HK1: variants seen among roughly 807,000 people sequenced by gnomAD.
The protein encoded by HK1 is hexokinase-1.
A neutral mutation model predicts 91.6 loss-of-function variants in HK1; 28 were observed. The observed-to-expected ratio is 0.31, with a 90% CI of 0.23 to 0.42. The LOEUF (loss-of-function observed/expected upper bound fraction) is 0.42, where lower values mean the gene tolerates loss of function less well. Ranked by LOEUF, HK1 falls within the 10% of genes least tolerant of loss-of-function variation. The pLI, the probability that HK1 is intolerant of heterozygous loss-of-function variation, is 1.00. For missense variants in HK1, 770 were observed against 1,219.8 expected, an observed-to-expected ratio of 0.63 and a Z score of 5.49; for synonymous variants, 430 against 468.1, an observed-to-expected ratio of 0.92 and a Z score of 1.05.
At position 69,394,401 on chromosome 10, in the gene HK1, A is replaced by T. The variant is rs535681595; in HGVS notation, c.2220-549A>T. 1.1e-4 allele frequency among the ~76,000 whole-genome samples: 17 copies of T among 152,218 alleles called. No individual in the cohort carries two copies. The South Asian group carries it at 3.3e-3, about 30-fold the overall frequency. On this transcript the variant is annotated intron_variant, in intron 15 of 17. Transcript: ENST00000359426. ...TTTTTTGTCTTCTTGTTCCTTTAAGACTTAGCCCAGTCATTTGCTTATTCT... is the reference window on the plus strand; with the variant it reads ...TTTTTTGTCTTCTTGTTCCTTTAAGTCTTAGCCCAGTCATTTGCTTATTCT...
At position 69,288,842 on chromosome 10, in the gene HK1, A is replaced by G. The variant is rs1324942403; in HGVS notation, c.-115+72A>G. 59 of 1,309,738 alleles carry G rather than the reference A, an allele frequency of 4.5e-5. No individual in the cohort carries two copies. The Admixed American group carries it at 9.6e-4, about 21-fold the overall frequency. 81.1% of individuals were successfully genotyped at this position (1,309,738 alleles called of 1,614,324 possible). ...TGTTCCATCGCCCAGGCTGGAGTGT[A>G]GTGGCGCGATCTCGGCTCACTATAA... On this transcript the variant is annotated intron_variant, in intron 3 of 21. Coordinates refer to the HK1 transcript ENST00000360289.
At chr10:69,294,274 A>G (rs1043484539) in intron 3 of HK1, among the ~76,000 whole-genome samples, 3 of 152,204 alleles carry the variant, frequency 2.0e-5, no homozygotes, top group Non-Finnish European at 4.4e-5. Flanking sequence ...ATGTAAAAGC[A>G]TGGGTATAGG....
At chr10:69,289,460 AATTTT>A (rs1198457005) in intron 3 of HK1, among the ~76,000 whole-genome samples, 147 of 93,702 alleles carry the variant, frequency 1.6e-3, no homozygotes, top group African/African-American at 5.6e-3. Context: ...TAAAAAAAAA[AATTTT>A]TTTTTTTTTT....
chr10:69,317,550 G>T (rs1393721815), upstream of HK1, among the ~76,000 whole-genome samples: 1 of 152,190 alleles, frequency 6.6e-6, no homozygotes, highest in Non-Finnish European at 1.5e-5. Flanking sequence ...TAGGGTAGAG[G>T]TTGGGGGTTG....
chr10:69,351,261 A>G (rs1848855012), intron 2 of HK1, among the ~76,000 whole-genome samples: 1 of 152,072 alleles, frequency 6.6e-6, no homozygotes, highest in Non-Finnish European at 1.5e-5. Flanking sequence ...TAATCCCAGC[A>G]CTTTGGGAGG....
At chr10:69,271,921 T>C (rs1589423809) in intron 1 of HK1, among the ~76,000 whole-genome samples, 1 of 152,234 alleles carries the variant, frequency 6.6e-6, no homozygotes. Context: ...TGGAGTGTAG[T>C]GGCACAATCT....
chr10:69,336,221 C>T (rs942802656), intron 1 of HK1, among the ~76,000 whole-genome samples: 7 of 152,090 alleles, frequency 4.6e-5, no homozygotes, highest in Non-Finnish European at 5.9e-5. Context: ...GATGGAGTTT[C>T]GCTCTTGTTG....
intron 1 of HK1, among the ~76,000 whole-genome samples, chr10:69,279,161 G>A (rs1008669088): frequency 6.6e-6 from 1 of 152,212 alleles, no homozygotes; most frequent in Non-Finnish European, 1.5e-5. Flanking sequence ...AGGGAGCACT[G>A]GTTGGTGGTG....
Position 69,379,813 on chromosome 10 carries a change from C to T in HK1, c.1032-49C>T, listed in dbSNP as rs769488253. ...CACCTTTGAGCCTCAGTGCTTTGCA[C>T]TGCCTCATGTGGTCCTCAGTGCATC... On this transcript the variant is annotated intron_variant, in intron 8 of 17. Transcript: ENST00000359426. 3 of 1,333,760 alleles carry T rather than the reference C, an allele frequency of 2.2e-6. No individual in the cohort carries two copies. The Admixed American group carries it at 5.0e-5, about 22-fold the overall frequency. The allele number at this position is 1,333,760 out of a possible 1,614,324, so 82.6% of individuals were successfully genotyped here.
chr10:69,271,905 C>T (rs1274436020), intron 1 of HK1, among the ~76,000 whole-genome samples: 1 of 151,900 alleles, frequency 6.6e-6, no homozygotes, highest in Non-Finnish European at 1.5e-5. Flanking sequence ...GCTCTGTTGC[C>T]CAGGCTGGAG....
intron 8 of HK1, among the ~76,000 whole-genome samples, chr10:69,377,767 T>C (rs746144250): frequency 6.6e-6 from 1 of 152,196 alleles, no homozygotes; most frequent in Non-Finnish European, 1.5e-5. Flanking sequence ...CAAACTTCTT[T>C]TGTGCTTGAA....
upstream of HK1, among the ~76,000 whole-genome samples, chr10:69,316,258 G>A (rs1846636381): frequency 6.6e-6 from 1 of 152,026 alleles, no homozygotes; most frequent in Admixed American, 6.5e-5. Flanking sequence ...AGGCAGAGAT[G>A]TTTAAATTGG....
chr10:69,302,423 G>A (rs1308394734), intron 5 of HK1, among the ~76,000 whole-genome samples: 1 of 147,784 alleles, frequency 6.8e-6, no homozygotes, highest in East Asian at 2.1e-4. Context: ...CGCCCAGGCT[G>A]GAGTGCAGTG....
rs536413094 is a variant in HK1 at position 69,390,934 on chromosome 10, A to G, written c.2036-1191A>G. 5.3e-5 allele frequency among the ~76,000 whole-genome samples: 8 copies of G among 152,350 alleles called. No homozygotes were observed. The South Asian group carries it at 1.7e-3, about 32-fold the overall frequency. On this transcript the variant is annotated intron_variant, in intron 14 of 17. Coordinates refer to ENST00000359426, the MANE Select transcript of HK1 (RefSeq NM_000188.3). ...ATTCAGTGAGGCAAGTTCAGTGACC[A>G]CAAGCTTGGATATCATGGCAATTAA...
intron 2 of HK1, among the ~76,000 whole-genome samples, chr10:69,345,011 T>C (rs868632646): frequency 3.3e-5 from 5 of 151,956 alleles, no homozygotes; most frequent in Non-Finnish European, 7.4e-5. Context: ...AAGGAGTGAT[T>C]TGGGGCATCT....
chr10:69,309,496 A>T (rs1340880061), intron 5 of HK1, among the ~76,000 whole-genome samples: 8 of 97,420 alleles, frequency 8.2e-5, no homozygotes, highest in Admixed American at 1.9e-4. Context: ...TTGTCTCATT[A>T]AAAAAAAAAA....
rs769998947 is a variant in HK1, at chr10:69,343,914, C to T, written c.151C>T (p.Leu51Phe). The T allele has an allele frequency of 3.1e-6, 5 of 1,613,736 alleles. No homozygotes were observed. The highest frequency in any genetic ancestry group is 2.2e-5 in the East Asian group (1 of 44,884). The stretch of plus-strand genomic sequence containing the variant: ...CTTCAGGAAGGAGATGAAGAATGGC[C>T]TCTCCCGGGATTTTAATCCAACAGC... Reference protein sequence around the residue: ...TRFRKEMKNGLSRDFNPTATV... With the variant: ...TRFRKEMKNGFSRDFNPTATV... The change falls in exon 2 of 18, where the codon CTC (leucine) becomes TTC (phenylalanine). Residue 51 changes from leucine (L) to phenylalanine (F), a missense_variant. Coordinates refer to ENST00000359426, the MANE Select transcript of HK1 (RefSeq NM_000188.3).
intron 1 of HK1, among the ~76,000 whole-genome samples, chr10:69,330,121 C>T (rs761040627): frequency 3.3e-5 from 5 of 152,106 alleles, no homozygotes; most frequent in Non-Finnish European, 7.4e-5. Context: ...CTGTCGATTC[C>T]ATCAATTGAT....
intron 3 of HK1, among the ~76,000 whole-genome samples, chr10:69,362,198 C>T (rs1849459579): frequency 6.6e-6 from 1 of 152,080 alleles, no homozygotes; most frequent in Non-Finnish European, 1.5e-5. Context: ...CATCATTTGC[C>T]ATCTTTAATA....
Sources: gnomAD v4.1 joint callset for allele counts (sites outside exome capture counted in the v4.1 genomes callset) on GRCh38, gnomAD v4.1.1 for gene constraint, MANE v1.5 for transcripts, NCBI Gene and HGNC (gene_info 2026-07-23, HGNC 2026-07-21) for gene names.